BABAM2: variants seen among roughly 807,000 people sequenced by gnomAD.
BABAM2 encodes the protein BRISC and BRCA1 A complex member 2, also known as BRISC and BRCA1-A complex member 2.
In BABAM2, 31 loss-of-function variants were observed where a neutral mutation model predicts 54.7. The ratio of observed to expected loss-of-function variants is 0.57; its 90% confidence interval spans 0.43 to 0.77. BABAM2 has a LOEUF of 0.77. Ranked by LOEUF, BABAM2 falls within the 30% of genes least tolerant of loss-of-function variation. The pLI is 0.00. For synonymous variants in BABAM2, 167 were observed against 162.9 expected (o/e 1.03, Z -0.19); for missense variants, 364 against 455.8 (o/e 0.80, Z 1.83).
rs1167523169 is a variant in BABAM2, at chr2:28,070,572, C to G, written c.570+24773C>G. On this transcript the variant is annotated intron_variant, in intron 6 of 11. Transcript: ENST00000379624. The stretch of plus-strand genomic sequence containing the variant: ...TTTTCTTTTCTTTTTTTTTTTGAGA[C>G]GGAGTCTCGCTCTGTCACCCAGGCT... Among the ~76,000 whole-genome samples, 38 of 122,704 alleles carry G rather than the reference C, an allele frequency of 3.1e-4. 1 individual carries two copies. The highest frequency in any genetic ancestry group is 2.9e-3 in the Admixed American group (38 of 13,028). 80.5% of individuals were successfully genotyped at this position (122,704 alleles called of 152,430 possible).
intron 5 of BABAM2, among the ~76,000 whole-genome samples, chr2:28,026,905 T>G (rs13412701): frequency 1.8e-5 from 1 of 54,488 alleles, no homozygotes; most frequent in Non-Finnish European, 3.6e-5. Context: ...TAAATATATA[T>G]AAATATATAT....
intron 7 of BABAM2, among the ~76,000 whole-genome samples, chr2:28,234,985 A>T (rs1681768232): frequency 6.6e-6 from 1 of 152,384 alleles, no homozygotes; most frequent in South Asian, 2.1e-4. Flanking sequence ...TGCAGAATGC[A>T]GATGATTCAT....
intron 6 of BABAM2, among the ~76,000 whole-genome samples, chr2:28,118,603 T>C (rs771758724): frequency 7.2e-5 from 11 of 152,196 alleles, no homozygotes; most frequent in African/African-American, 9.7e-5. Flanking sequence ...TTAAGTTCCT[T>C]GTAAACTCTG....
At position 28,259,710 on chromosome 2, in the gene BABAM2, T is replaced by C. The variant is rs189622901; in HGVS notation, c.934+14848T>C. ...AAAATGTTTTCTTTTAGAAAGTTTC[T>C]AGTTTTAGCTCTAAAATGTAGGTCT... On this transcript the variant is annotated intron_variant, in intron 10 of 11. Transcript: ENST00000379624. 2.8e-3 allele frequency among the ~76,000 whole-genome samples: 428 copies of C among 152,332 alleles called. 9 individuals are homozygous for C. Among genetic ancestry groups the C allele is most frequent in the Non-Finnish European group, 9.4e-4 (64 of 68,036 alleles).
intron 3 of BABAM2, among the ~76,000 whole-genome samples, chr2:27,964,715 A>G (rs950826803): frequency 3.9e-5 from 6 of 152,214 alleles, no homozygotes; most frequent in African/African-American, 7.2e-5. Context: ...AGATAGAAAG[A>G]GGTGGAAATG....
intron 6 of BABAM2, among the ~76,000 whole-genome samples, chr2:28,115,548 C>T (rs1668539197): frequency 6.6e-6 from 1 of 151,870 alleles, no homozygotes; most frequent in Non-Finnish European, 1.5e-5. Flanking sequence ...ATGGCATGAA[C>T]CTGGGAGGCA....
chr2:28,125,222 T>G (rs1669405757), intron 6 of BABAM2, among the ~76,000 whole-genome samples: 1 of 152,186 alleles, frequency 6.6e-6, no homozygotes, highest in African/African-American at 2.4e-5. Flanking sequence ...GGAAGCAGGC[T>G]TATACAAACT....
At chr2:28,028,909 A>G (rs963345533) in intron 5 of BABAM2, among the ~76,000 whole-genome samples, 2 of 151,838 alleles carry the variant, frequency 1.3e-5, no homozygotes, top group Non-Finnish European at 2.9e-5. Flanking sequence ...TGGGACTACA[A>G]GTGCATGCCA....
chr2:27,976,849 G>T (rs933703170), intron 3 of BABAM2, among the ~76,000 whole-genome samples: 1 of 152,110 alleles, frequency 6.6e-6, no homozygotes, highest in Admixed American at 6.6e-5. Context: ...TATTAGAAGT[G>T]CAAAGAAGGA....
intron 2 of BABAM2, 142 bp downstream of exon 2, chr2:27,894,826 G>C: frequency 1.0e-6 from 1 of 959,964 alleles, no homozygotes; most frequent in African/African-American, 1.7e-5. Flanking sequence ...TGATTCAGTT[G>C]GTTTTGTTCA....
intron 3 of BABAM2, among the ~76,000 whole-genome samples, chr2:27,939,884 C>T (rs955215386): frequency 6.6e-6 from 1 of 152,088 alleles, no homozygotes; most frequent in African/African-American, 2.4e-5. Context: ...GAATTATCCC[C>T]ATTCAAAGTT....
intron 7 of BABAM2, among the ~76,000 whole-genome samples, chr2:28,178,157 ATCTACGGTATAT>A (rs1387702619): frequency 8.5e-5 from 13 of 152,196 alleles, no homozygotes; most frequent in African/African-American, 3.1e-4. Context: ...CCTAACAGAC[ATCTACGGTATAT>A]TCTACCCGAC....
At chr2:28,283,417 A>C (rs574339488) in intron 10 of BABAM2, among the ~76,000 whole-genome samples, 13 of 152,366 alleles carry the variant, frequency 8.5e-5, no homozygotes, top group African/African-American at 3.1e-4. Context: ...TACACTTGTC[A>C]AAAGATAGCC....
chr2:28,181,880 G>T (rs1317025483), intron 7 of BABAM2, among the ~76,000 whole-genome samples: 1 of 152,034 alleles, frequency 6.6e-6, no homozygotes, highest in Admixed American at 6.6e-5. Context: ...TTTGGATAGG[G>T]TGGCAAGGGA....
chr2:28,191,939 C>T (rs1234962160), intron 7 of BABAM2, among the ~76,000 whole-genome samples: 1 of 152,214 alleles, frequency 6.6e-6, no homozygotes, highest in Non-Finnish European at 1.5e-5. Context: ...TGATTGCCTA[C>T]ATGGCCATTT....
chr2:27,961,111 A>C (rs959327363), intron 3 of BABAM2, among the ~76,000 whole-genome samples: 40 of 151,984 alleles, frequency 2.6e-4, no homozygotes, highest in African/African-American at 9.4e-4. Context: ...TTTGTTTCTG[A>C]GGACAGAAAT....
At chr2:27,938,142 C>G (rs1668621180) in intron 3 of BABAM2, among the ~76,000 whole-genome samples, 1 of 152,058 alleles carries the variant, frequency 6.6e-6, no homozygotes, top group Non-Finnish European at 1.5e-5. Context: ...TCTGGGCTTT[C>G]CATTAATTTT....
chr2:27,926,766 A>G (rs1667736205), intron 2 of BABAM2, among the ~76,000 whole-genome samples: 1 of 152,190 alleles, frequency 6.6e-6, no homozygotes, highest in South Asian at 2.1e-4. Flanking sequence ...AGTGAATGAA[A>G]CACAGAGATA....
intron 2 of BABAM2, among the ~76,000 whole-genome samples, chr2:27,908,312 TC>T (rs1666332668): frequency 6.6e-6 from 1 of 152,032 alleles, no homozygotes; most frequent in Admixed American, 6.6e-5. Flanking sequence ...CACTCTGTCA[TC>T]CAGTTTGGAG....
Sources: allele counts gnomAD v4.1 joint callset (sites outside exome capture counted in the v4.1 genomes callset), GRCh38; gene constraint gnomAD v4.1.1; transcripts MANE v1.5; gene names NCBI Gene and HGNC (gene_info 2026-07-23, HGNC 2026-07-21).